Variants in SETDB2 observed in about 807,000 individuals in gnomAD.
SETDB2 encodes histone-lysine N-methyltransferase SETDB2.
A neutral mutation model predicts 82.5 loss-of-function variants in SETDB2; 56 were observed. The ratio of observed to expected loss-of-function variants is 0.68; its 90% CI spans 0.55 to 0.85. The LOEUF is 0.85. Among genes scored for constraint, SETDB2 ranks in the 40% least tolerant of loss-of-function variants. The pLI, the probability that SETDB2 is intolerant of heterozygous loss-of-function variation, is 0.00. For synonymous variants in SETDB2, 272 were observed against 284.9 expected (o/e 0.95, Z 0.46); for missense variants, 677 against 816.4 (o/e 0.83, Z 2.08).
intron 2 of SETDB2, 87 bp from the exon 3 acceptor site, chr13:49,460,020 C>T: frequency 7.4e-7 from 1 of 1,359,782 alleles, no homozygotes; most frequent in Admixed American, 2.4e-5. Context: ...TGTTTAGAAA[C>T]CAAGTAGATT....
chr13:49,489,901 T>A (rs1594185018), intron 12 of SETDB2, among the ~76,000 whole-genome samples: 1 of 52,952 alleles, frequency 1.9e-5, no homozygotes, highest in African/African-American at 6.1e-5. Flanking sequence ...TGGCCTTATT[T>A]CTCCCGCCCC....
intron 1 of SETDB2, among the ~76,000 whole-genome samples, chr13:49,449,727 C>T (rs1337157516): frequency 6.6e-6 from 1 of 152,182 alleles, no homozygotes; most frequent in East Asian, 1.9e-4. Flanking sequence ...CCTTCCATCT[C>T]TCCTCCAGAA....
At chr13:49,460,689 C>T (rs191054565) in intron 3 of SETDB2, among the ~76,000 whole-genome samples, 84 of 152,244 alleles carry the variant, frequency 5.5e-4, no homozygotes, top group Non-Finnish European at 1.0e-3. Context: ...GGTTGTAGAA[C>T]GTAAGACTTG....
intron 10 of SETDB2, among the ~76,000 whole-genome samples, chr13:49,484,142 T>TG (rs1176010319): frequency 2.0e-5 from 3 of 152,206 alleles, no homozygotes; most frequent in African/African-American, 7.2e-5. Flanking sequence ...GACAGTGTGC[T>TG]CCACTGAGAC....
chr13:49,464,128 C>T (rs1323857460), intron 4 of SETDB2: 1 of 754,640 alleles, frequency 1.3e-6, no homozygotes, highest in South Asian at 1.4e-5. Flanking sequence ...TCTGGAAGAA[C>T]ACATGACTTC....
At chr13:49,473,485 A>G (rs61060106) in intron 5 of SETDB2, among the ~76,000 whole-genome samples, 2,562 of 146,350 alleles carry the variant, frequency 0.018, 81 homozygotes, top group African/African-American at 0.061. Flanking sequence ...CAGGAGGCAG[A>G]TGTTGTGGGG....
rs2407690 is a variant in SETDB2, at chr13:49,463,777, G to T, written c.208+2615G>T. On this transcript the variant is annotated intron_variant, in intron 4 of 13. Transcript: ENST00000611815. ...TTGAAGTTACTAGTTACAGAGAACA[G>T]GAATCTATACACTCATACCATAAGA... Among the ~76,000 whole-genome samples the T allele has an allele frequency of 8.5e-3, 1,300 of 152,254 alleles. 18 individuals are homozygous for T. The highest frequency in any genetic ancestry group is 0.027 in the African/African-American group (1,132 of 41,550).
chr13:49,489,917 C>CG (rs1958676465), intron 12 of SETDB2, among the ~76,000 whole-genome samples: 1 of 49,108 alleles, frequency 2.0e-5, no homozygotes, highest in Non-Finnish European at 6.5e-5. Context: ...GCCCCCCCCC[C>CG]CTTTTTTTTT....
Position 49,467,869 on chromosome 13 carries a change from A to T in SETDB2, c.214A>T (p.Met72Leu). Reference sequence around the variant, plus strand: ...CACATTATTTTTTTGTGTAGATCCTATGCCTGTGACTCAGAAGGAACAGGA... The same window carrying T: ...CACATTATTTTTTTGTGTAGATCCTTTGCCTGTGACTCAGAAGGAACAGGA... ...INSSTSIKDP[M>L]PVTQKEQENK... The change falls in exon 5 of 14, where the codon ATG becomes TTG. Residue 72 changes from methionine to leucine, a missense_variant. This residue lies in a region of SETDB2 where 243 missense variants were observed against 237.2 expected (regional missense o/e 1.02). Transcript: ENST00000611815. The T allele has an allele frequency of 6.3e-7, 1 of 1,580,338 alleles. No homozygotes were observed. The highest frequency in any genetic ancestry group is 8.6e-7 in the Non-Finnish European group (1 of 1,164,496).
intron 12 of SETDB2, among the ~76,000 whole-genome samples, chr13:49,490,544 T>G (rs1023946591): frequency 1.8e-4 from 28 of 152,144 alleles, no homozygotes; most frequent in Non-Finnish European, 1.8e-4. Flanking sequence ...GATTGCAGAA[T>G]CAAAAGACAA....
chr13:49,451,288 A>C (rs1050515856), intron 1 of SETDB2, among the ~76,000 whole-genome samples: 5 of 151,100 alleles, frequency 3.3e-5, no homozygotes, highest in Admixed American at 3.3e-4. Flanking sequence ...TAAAAGACTT[A>C]TAAAATGGAG....
chr13:49,482,673 A>T, intron 8 of SETDB2, 64 bp from the exon 9 acceptor site: 3 of 1,018,812 alleles, frequency 2.9e-6, no homozygotes, highest in Non-Finnish European at 4.4e-6. Context: ...AGAAATAGAG[A>T]TGTCTGTTTA....
At position 49,470,966 on chromosome 13, in the gene SETDB2, C is replaced by CTTTCTTTTTTTTTTTTTTTTTTTT. The variant is rs10695231; in HGVS notation, c.305+3009_305+3010insCTTTTTTTTTTTTTTTTTTTTTTT. On this transcript the variant is annotated intron_variant, in intron 5 of 13. Coordinates refer to ENST00000611815, the MANE Select transcript of SETDB2 (RefSeq NM_001160308.3). ...GTTTTTTTGTTTTCTTTCTTTCTTT[C>CTTTCTTTTTTTTTTTTTTTTTTTT]TTTTTTTTTTTTTTTTTTGAGACAG... 6.2e-5 allele frequency among the ~76,000 whole-genome samples: 5 copies of CTTTCTTTTTTTTTTTTTTTTTTTT among 80,474 alleles called. 1 individual carries two copies. The highest frequency in any genetic ancestry group is 6.4e-5 in the Non-Finnish European group (3 of 47,124). 52.8% of individuals were successfully genotyped at this position (80,474 alleles called of 152,430 possible).
chr13:49,447,730 TG>T (rs1957717433), intron 1 of SETDB2, among the ~76,000 whole-genome samples: 1 of 152,168 alleles, frequency 6.6e-6, no homozygotes. Flanking sequence ...TAAACTATTT[TG>T]GTAATACATT....
chr13:49,474,533 T>G (rs1051960935), intron 5 of SETDB2, among the ~76,000 whole-genome samples: 2 of 152,254 alleles, frequency 1.3e-5, no homozygotes, highest in Non-Finnish European at 2.9e-5. Context: ...AAATTGTTAT[T>G]AATAGATTCA....
chr13:49,483,860 C>T (rs9568219), intron 10 of SETDB2, among the ~76,000 whole-genome samples: 108,422 of 151,822 alleles, frequency 0.71, 38,948 homozygotes, highest in East Asian at 0.82. Flanking sequence ...GCTCTAGCAG[C>T]TGTTGTGCCT....
chr13:49,452,322 A>G (rs1957802059), intron 2 of SETDB2, among the ~76,000 whole-genome samples: 2 of 152,216 alleles, frequency 1.3e-5, no homozygotes, highest in South Asian at 4.1e-4. Flanking sequence ...CATGTTGGTC[A>G]GGCTGGTCTC....
chr13:49,458,285 C>G (rs1262609722), intron 2 of SETDB2, among the ~76,000 whole-genome samples: 3 of 152,124 alleles, frequency 2.0e-5, no homozygotes, highest in Non-Finnish European at 4.4e-5. Context: ...CTATGTTACC[C>G]AGGCTGGTCT....
intron 12 of SETDB2, 129 bp from the exon 13 acceptor site, chr13:49,490,693 T>C (rs1958694487): frequency 3.3e-6 from 2 of 603,230 alleles, no homozygotes. Flanking sequence ...GCTGTGATAA[T>C]TTATACATTG....
Sources: allele counts gnomAD v4.1 joint callset (sites outside exome capture counted in the v4.1 genomes callset), GRCh38; gene constraint gnomAD v4.1.1; regional missense constraint gnomAD v4.1.1; transcripts MANE v1.5; gene names NCBI Gene and HGNC (gene_info 2026-07-23, HGNC 2026-07-21).